The following COL24A1 variants were observed in gnomAD, a reference collection of about 807,000 sequenced individuals.
COL24A1 encodes the protein collagen type XXIV alpha 1 chain, also known as collagen alpha-1(XXIV) chain.
In COL24A1, 224 loss-of-function variants were observed where a neutral mutation model predicts 253.9. That is an observed-to-expected ratio of 0.88 (90% CI 0.79 to 0.99). The LOEUF is 0.99. Ranked by LOEUF, COL24A1 falls within the 50% of genes least tolerant of loss-of-function variation. The probability of loss-of-function intolerance (pLI) is 0.00; values close to 1 mark genes in which losing one functional copy is unlikely to be tolerated. For missense variants in COL24A1, 2,131 were observed against 2,068.5 expected, an observed-to-expected ratio of 1.03 and a Z score of -0.59; for synonymous variants, 685 against 673.7, an observed-to-expected ratio of 1.02 and a Z score of -0.26.
chr1:85,909,418 T>TA (rs1268539598), intron 26 of COL24A1, among the ~76,000 whole-genome samples: 1 of 151,736 alleles, frequency 6.6e-6, no homozygotes, highest in Non-Finnish European at 1.5e-5. Flanking sequence ...AACTATTTAG[T>TA]AAGTTAAAAA....
At chr1:85,747,926 A>G (rs1320246145) in intron 55 of COL24A1, among the ~76,000 whole-genome samples, 3 of 152,314 alleles carry the variant, frequency 2.0e-5, no homozygotes, top group African/African-American at 7.2e-5. Context: ...AACATAATAT[A>G]TTGATCATTC....
chr1:86,067,279 G>A (rs1418105438), intron 7 of COL24A1, among the ~76,000 whole-genome samples: 1 of 152,150 alleles, frequency 6.6e-6, no homozygotes, highest in Non-Finnish European at 1.5e-5. Context: ...CTCTGGAGTG[G>A]GCAAAATGGA....
At chr1:86,084,775 A>T (rs1337142069) in intron 7 of COL24A1, among the ~76,000 whole-genome samples, 1 of 152,206 alleles carries the variant, frequency 6.6e-6, no homozygotes, top group Non-Finnish European at 1.5e-5. Flanking sequence ...AAACTACGCC[A>T]CTTTGGCAAC....
rs770643724 is a variant in COL24A1 at position 85,784,321 on chromosome 1, C to T, written c.4105G>A (p.Gly1369Ser). 5.6e-6 allele frequency: 9 copies of T among 1,613,922 alleles called. No individual in the cohort carries two copies. The highest frequency in any genetic ancestry group is 1.7e-5 in the Admixed American group (1 of 59,980). ...TGATCACCTTGTGCTCCTCGGTGAC[C>T]TCTTTTACCTTGAATTCCAGGTTGA... ...PGQPGIQGKR[G>S]HRGAQGDQGP... The change falls in exon 49 of 60, where the codon GGT (glycine) becomes AGT (serine). Residue 1369 changes from glycine (G) to serine (S), a missense_variant. By Grantham distance (56) the Gly-to-Ser change is moderately conservative (BLOSUM62 0). Transcript: ENST00000370571.
chr1:86,024,218 G>T (rs1697809830), intron 14 of COL24A1, among the ~76,000 whole-genome samples: 1 of 152,106 alleles, frequency 6.6e-6, no homozygotes, highest in African/African-American at 2.4e-5. Flanking sequence ...TGACAAGACA[G>T]TTACCAGTAC....
rs1276019233 is a variant in COL24A1, at chr1:85,837,587, TG to T, written c.3681+997del. 1.1e-4 allele frequency among the ~76,000 whole-genome samples: 17 copies of T among 152,148 alleles called. No individual in the cohort carries two copies. In the South Asian group the frequency reaches 1.7e-3, roughly 15 times the overall value. ...AGAAAGAAAGAAGACATATGCCAAG[TG>T]GGGGAGCTAAGACACCTACACATTA... On this transcript the variant is annotated intron_variant, in intron 43 of 59. Transcript: ENST00000370571.
chr1:85,921,462 C>T (rs1216740776), intron 24 of COL24A1, among the ~76,000 whole-genome samples: 2 of 152,146 alleles, frequency 1.3e-5, no homozygotes, highest in African/African-American at 4.8e-5. Flanking sequence ...TGGGATGAAG[C>T]TTCCAGAGGA....
intron 7 of COL24A1, among the ~76,000 whole-genome samples, chr1:86,064,315 AG>A (rs1701322828): frequency 6.6e-6 from 1 of 152,210 alleles, no homozygotes; most frequent in Non-Finnish European, 1.5e-5. Flanking sequence ...CTAGGGAATT[AG>A]TAACAAAGAA....
chr1:86,108,939 T>C (rs1289624051), intron 5 of COL24A1, among the ~76,000 whole-genome samples: 1 of 152,226 alleles, frequency 6.6e-6, no homozygotes, highest in African/African-American at 2.4e-5. Flanking sequence ...AATTGTGGTT[T>C]CTGCCTTTTT....
intron 41 of COL24A1, 140 bp from the exon 42 acceptor site, chr1:85,841,418 A>G: frequency 3.4e-6 from 2 of 589,050 alleles, no homozygotes; most frequent in Non-Finnish European, 5.9e-6. Context: ...GATGTAAGAA[A>G]CTAAGCCTAT....
At chr1:85,760,058 GTTTT>G (rs34107171) in intron 55 of COL24A1, among the ~76,000 whole-genome samples, 1 of 149,284 alleles carries the variant, frequency 6.7e-6, no homozygotes, top group Non-Finnish European at 1.5e-5. Flanking sequence ...GAAAGACATT[GTTTT>G]TTTTTTTTTT....
chr1:85,754,719 C>A (rs1455875004), intron 55 of COL24A1, among the ~76,000 whole-genome samples: 3 of 151,670 alleles, frequency 2.0e-5, no homozygotes, highest in African/African-American at 7.3e-5. Context: ...CAGTAGATTT[C>A]CATAGGCAGA....
intron 39 of COL24A1, among the ~76,000 whole-genome samples, chr1:85,842,804 T>C (rs1012161733): frequency 1.3e-5 from 2 of 152,108 alleles, no homozygotes; most frequent in Non-Finnish European, 2.9e-5. Flanking sequence ...TCCATACTCA[T>C]TGTTAGTTTC....
At position 85,847,003 on chromosome 1, in the gene COL24A1, C is replaced by T. The variant is rs762811227; in HGVS notation, c.3462+662G>A. On this transcript the variant is annotated intron_variant, in intron 39 of 59. Coordinates refer to ENST00000370571, the MANE Select transcript of COL24A1 (RefSeq NM_152890.7). ...ACTACACTAAATGGAAATACGCATG[C>T]ATTTTGTAAAAAAGCCTATGAAACA... is the stretch of plus-strand genomic sequence containing the variant. 3.3e-5 allele frequency among the ~76,000 whole-genome samples: 5 copies of T among 152,042 alleles called. No homozygotes were observed. In the South Asian group the frequency reaches 6.2e-4, roughly 19 times the overall value.
chr1:85,939,581 C>T (rs2103162725), intron 24 of COL24A1, among the ~76,000 whole-genome samples: 1 of 152,220 alleles, frequency 6.6e-6, no homozygotes, highest in East Asian at 1.9e-4. Flanking sequence ...TTCCTTCATA[C>T]TAAGTAATAA....
In COL24A1 at chr1:85,868,532, T is replaced by G; in HGVS notation, c.3287A>C (p.Gln1096Pro). The part of the protein sequence containing the change: ...GIIGPLGRSG[Q>P]TGLPGPEGIV... ...AGCAGTACTTACCGGAAGGCCTGTTTGGCCTGATCTACCCAAGGGTCCTAT... is the reference window on the plus strand; with the variant it reads ...AGCAGTACTTACCGGAAGGCCTGTTGGGCCTGATCTACCCAAGGGTCCTAT... The change falls in exon 37 of 60, where the codon CAA becomes CCA. Residue 1096 changes from glutamine (Q) to proline (P), a missense_variant. Coordinates refer to ENST00000370571, the MANE Select transcript of COL24A1 (RefSeq NM_152890.7). 1 of 1,613,368 alleles carries G rather than the reference T, an allele frequency of 6.2e-7. No homozygotes were observed. Among genetic ancestry groups the G allele is most frequent in the East Asian group, 2.2e-5 (1 of 44,848 alleles).
chr1:86,030,251 G>A (rs1364478350), intron 14 of COL24A1: 1 of 152,188 alleles, frequency 6.6e-6, no homozygotes, highest in Non-Finnish European at 1.5e-5. Flanking sequence ...GCCTTAGCAA[G>A]AATTTCCACT....
At chr1:85,851,209 A>G (rs1677733877) in intron 37 of COL24A1, among the ~76,000 whole-genome samples, 1 of 152,050 alleles carries the variant, frequency 6.6e-6, no homozygotes, top group African/African-American at 2.4e-5. Context: ...ATTTTTAAAA[A>G]GCAGTATCAT....
chr1:85,897,746 C>G (rs1239739630), intron 28 of COL24A1, among the ~76,000 whole-genome samples: 3 of 152,122 alleles, frequency 2.0e-5, no homozygotes, highest in African/African-American at 7.2e-5. Flanking sequence ...CAGACTCTAA[C>G]TGAATACCTG....
Sources: allele counts gnomAD v4.1 joint callset (sites outside exome capture counted in the v4.1 genomes callset), GRCh38; gene constraint gnomAD v4.1.1; transcripts MANE v1.5; gene names NCBI Gene and HGNC (gene_info 2026-07-23, HGNC 2026-07-21).